IL1RAPL1: variants seen among roughly 807,000 people sequenced by gnomAD.
IL1RAPL1 encodes the protein interleukin 1 receptor accessory protein like 1.
In IL1RAPL1, 3 loss-of-function variants were observed where a neutral mutation model predicts 48.4. The observed-to-expected ratio is 0.06, with a 90% CI of 0.03 to 0.16. IL1RAPL1 has a LOEUF of 0.16. Ranked by LOEUF, IL1RAPL1 falls within the 10% of genes least tolerant of loss-of-function variation. The pLI, the probability that IL1RAPL1 is intolerant of heterozygous loss-of-function variation, is 1.00. For synonymous variants in IL1RAPL1, 185 were observed against 187.7 expected (o/e 0.99, Z 0.12); for missense variants, 349 against 530.6 (o/e 0.66, Z 3.36).
chrX:28,704,842 A>AG (rs1246252117), intron 1 of IL1RAPL1, among the ~76,000 whole-genome samples: 6 of 105,600 alleles, frequency 5.7e-5, no homozygotes, highest in South Asian at 4.2e-4. Flanking sequence ...AAAAAAAAAA[A>AG]AAAAAAACTG....
At chrX:29,434,591 T>G (rs1934460274) in intron 5 of IL1RAPL1, among the ~76,000 whole-genome samples, 1 of 111,033 alleles carries the variant, frequency 9.0e-6, no homozygotes, top group Non-Finnish European at 1.9e-5. Context: ...TCTTAATACT[T>G]TGCAAATGCC....
Position 29,399,300 on chromosome X carries a change from C to G in IL1RAPL1, c.695C>G (p.Thr232Ser). ...GFVVRRTTEL[T>S]VTAPLTDKPP... ...GTTGTGAGAAGAACTACTGAATTAACTGTTACAGGTAATCACAGTCTTCAA... is the reference window on the plus strand; with the variant it reads ...GTTGTGAGAAGAACTACTGAATTAAGTGTTACAGGTAATCACAGTCTTCAA... The change falls in exon 5 of 11, where the codon ACT (threonine) becomes AGT (serine). Residue 232 changes from threonine to serine, a missense_variant. Around this residue, in one of 3 missense-constraint regions of IL1RAPL1, gnomAD observed 238 missense variants for 337.8 expected, o/e 0.70. Transcript: ENST00000378993. 8.3e-7 allele frequency: 1 copy of G among 1,202,972 alleles called. No individual in the cohort carries two copies. Among genetic ancestry groups the G allele is most frequent in the Non-Finnish European group, 1.1e-6 (1 of 887,742 alleles).
At chrX:29,696,808 TAGAG>T (rs1926926029) in intron 6 of IL1RAPL1, among the ~76,000 whole-genome samples, 1 of 110,779 alleles carries the variant, frequency 9.0e-6, no homozygotes, top group Non-Finnish European at 1.9e-5. Flanking sequence ...TTTAAATTGG[TAGAG>T]AGAAGGAAGT....
chrX:29,742,358 G>C (rs977564958), intron 6 of IL1RAPL1, among the ~76,000 whole-genome samples: 2 of 110,000 alleles, frequency 1.8e-5, no homozygotes, highest in African/African-American at 3.3e-5. Flanking sequence ...TTTTTTTTCA[G>C]GTCATTTACT....
At chrX:29,410,067 C>G (rs1158363626) in intron 5 of IL1RAPL1, among the ~76,000 whole-genome samples, 7 of 110,699 alleles carry the variant, frequency 6.3e-5, no homozygotes, top group Non-Finnish European at 1.1e-4. Context: ...GGTGATCCAC[C>G]CGCCTCGGCC....
intron 6 of IL1RAPL1, among the ~76,000 whole-genome samples, chrX:29,854,242 G>A (rs1299510502): frequency 1.8e-5 from 2 of 111,471 alleles, no homozygotes; most frequent in Non-Finnish European, 3.8e-5. Context: ...AAAATGTAAC[G>A]TTATCAAAGA....
chrX:28,652,580 T>C, intron 1 of IL1RAPL1, among the ~76,000 whole-genome samples: 1 of 112,100 alleles, frequency 8.9e-6, no homozygotes, highest in Middle Eastern at 4.6e-3. Flanking sequence ...GCTAATTATG[T>C]TTCACCTCAA....
intron 2 of IL1RAPL1, among the ~76,000 whole-genome samples, chrX:28,911,563 T>C (rs1043082454): frequency 9.0e-5 from 10 of 111,048 alleles, no homozygotes; most frequent in Admixed American, 1.9e-4. Flanking sequence ...TTCTCAGATA[T>C]TGTCAGTACC....
At chrX:29,334,846 G>A (rs1932958928) in intron 3 of IL1RAPL1, among the ~76,000 whole-genome samples, 2 of 113,015 alleles carry the variant, frequency 1.8e-5, no homozygotes, top group African/African-American at 6.5e-5. Flanking sequence ...GGGCCAGGCA[G>A]AGACGCTCCT....
chrX:29,641,349 C>T (rs1417513148), intron 5 of IL1RAPL1, among the ~76,000 whole-genome samples: 2 of 112,740 alleles, frequency 1.8e-5, no homozygotes, highest in Non-Finnish European at 3.7e-5. Flanking sequence ...CCTGCGTATT[C>T]AATGGCCTTT....
At chrX:29,204,441 C>G (rs1327549925) in intron 2 of IL1RAPL1, among the ~76,000 whole-genome samples, 3 of 111,254 alleles carry the variant, frequency 2.7e-5, no homozygotes, top group African/African-American at 9.8e-5. Flanking sequence ...ATCTCATGTG[C>G]TTTTGATTTG....
At chrX:28,636,442 T>A (rs1174594812) in intron 1 of IL1RAPL1, among the ~76,000 whole-genome samples, 6 of 111,976 alleles carry the variant, frequency 5.4e-5, no homozygotes, top group Admixed American at 3.8e-4. Flanking sequence ...GTTGCCTCCC[T>A]GATTTCATTG....
At chrX:28,797,207 G>A (rs936179824) in intron 2 of IL1RAPL1, among the ~76,000 whole-genome samples, 22 of 111,173 alleles carry the variant, frequency 2.0e-4, no homozygotes, top group African/African-American at 7.2e-4. Context: ...ATGATGGTGG[G>A]GGACTGCTAT....
intron 3 of IL1RAPL1, among the ~76,000 whole-genome samples, chrX:29,333,360 G>A (rs1196570839): frequency 4.7e-5 from 5 of 107,525 alleles, no homozygotes; most frequent in Non-Finnish European, 9.8e-5. Context: ...CGGCCGGGCA[G>A]AGGCGCCCCT....
chrX:29,550,333 AGGCGCCC>A (rs1396544839), intron 5 of IL1RAPL1, among the ~76,000 whole-genome samples: 1 of 110,692 alleles, frequency 9.0e-6, no homozygotes, highest in Admixed American at 9.6e-5. Context: ...CTGGGACTAC[AGGCGCCC>A]GCCACCACGC....
chrX:29,724,801 T>G (rs1186661447), intron 6 of IL1RAPL1, among the ~76,000 whole-genome samples: 3 of 111,959 alleles, frequency 2.7e-5, no homozygotes, highest in African/African-American at 9.8e-5. Flanking sequence ...AATGAAATTA[T>G]GTATGTATGA....
intron 2 of IL1RAPL1, among the ~76,000 whole-genome samples, chrX:29,018,614 G>C (rs1176903992): frequency 8.9e-6 from 1 of 112,187 alleles, no homozygotes; most frequent in African/African-American, 3.2e-5. Context: ...AGGTAGATCA[G>C]TAACCACTCA....
chrX:29,489,081 C>T (rs1935128209), intron 5 of IL1RAPL1, among the ~76,000 whole-genome samples: 1 of 111,548 alleles, frequency 9.0e-6, no homozygotes, highest in South Asian at 3.8e-4. Flanking sequence ...AGATTGATAA[C>T]AGGAACTGGT....
chrX:29,741,649 G>A lies in IL1RAPL1; in HGVS notation c.778+73145G>A, dbSNP rs773031678. Among the ~76,000 whole-genome samples the A allele has an allele frequency of 7.3e-5, 8 of 109,581 alleles. No homozygotes were observed. The South Asian group carries it at 3.3e-3, about 45-fold the overall frequency. ...AAAGCCTCATATTTTGGCTGGGTGC[G>A]GTGGCTCACACCTGTAATCCCAGCA... On this transcript the variant is annotated intron_variant, in intron 6 of 10. Transcript: ENST00000378993.
Sources: allele counts gnomAD v4.1 joint callset (sites outside exome capture counted in the v4.1 genomes callset), GRCh38; gene constraint gnomAD v4.1.1; regional missense constraint gnomAD v4.1.1; transcripts MANE v1.5; gene names NCBI Gene and HGNC (gene_info 2026-07-23, HGNC 2026-07-21).